The following OR51I2 variants were observed in gnomAD, a reference collection of about 807,000 sequenced individuals.
OR51I2 encodes olfactory receptor family 51 subfamily I member 2.
In OR51I2, 6 loss-of-function variants were observed where a neutral mutation model predicts 9.3. The observed-to-expected ratio is 0.64, with a 90% CI of 0.35 to 1.27. The LOEUF (loss-of-function observed/expected upper bound fraction) is 1.27. OR51I2 is among the 50% of genes most tolerant of loss of function. The probability of loss-of-function intolerance (pLI) is 0.03; values close to 1 mark genes in which losing one functional copy is unlikely to be tolerated. For missense variants in OR51I2, 489 were observed against 396.4 expected (o/e 1.23, Z -1.98); for synonymous variants, 179 against 143.1 (o/e 1.25, Z -1.79).
chr11:5,452,506 A>T (rs1449787006), intron 1 of OR51I2, among the ~76,000 whole-genome samples: 1 of 7,460 alleles, frequency 1.3e-4, no homozygotes, highest in African/African-American at 5.7e-4. Flanking sequence ...CTCTGTCTCA[A>T]AAAAAAAAAA....
Position 5,455,359 on chromosome 11 carries a change from A to AAG in OR51I2, c.*933_*934insGA, listed in dbSNP as rs201405851. ...CAGTCTAGGATTTCCAGTTGCAAAA[A>AAG]AAAAAAGCCTAGGATAGACAGACTA... On this transcript the variant is annotated 3_prime_UTR_variant, in exon 2 of 2. Transcript: ENST00000641930. 3.3e-5 allele frequency: 5 copies of AAG among 151,880 alleles called. No individual in the cohort carries two copies. Among genetic ancestry groups the AAG allele is most frequent in the African/African-American group, 7.2e-5 (3 of 41,444 alleles). 9.4% of individuals were successfully genotyped at this position (151,880 alleles called of 1,614,324 possible). A position where few individuals can be genotyped will look rare whatever the true frequency, so the allele number is the denominator to read the frequency against.
At position 5,454,630 on chromosome 11, in the gene OR51I2, A is replaced by G. The variant is rs1436227279; in HGVS notation, c.*203A>G. The G allele has an allele frequency of 2.3e-6, 1 of 440,870 alleles. No individual in the cohort carries two copies. Among genetic ancestry groups the G allele is most frequent in the Non-Finnish European group, 4.0e-6 (1 of 250,330 alleles). 27.3% of individuals were successfully genotyped at this position (440,870 alleles called of 1,614,324 possible). ...AAATACCAACAGTATTCTTAGAAAG[A>G]TAAATATTGGGGGCAATTGAGTAAT... On this transcript the variant is annotated 3_prime_UTR_variant, in exon 2 of 2. Coordinates refer to ENST00000641930, the MANE Select transcript of OR51I2 (RefSeq NM_001004754.3).
In OR51I2 at chr11:5,456,152, G is replaced by C. The variant is rs1428795292; in HGVS notation, c.*1725G>C. On this transcript the variant is annotated 3_prime_UTR_variant, in exon 2 of 2. Coordinates refer to ENST00000641930, the MANE Select transcript of OR51I2 (RefSeq NM_001004754.3). ...TAAACTCTCACTGATTCCTACCTCA[G>C]AAGCAGCGAGGGATACATTCTTTTG... 6.6e-6 allele frequency: 1 copy of C among 152,162 alleles called. No homozygotes were observed. The highest frequency in any genetic ancestry group is 1.5e-5 in the Non-Finnish European group (1 of 68,030). 9.4% of individuals were successfully genotyped at this position (152,162 alleles called of 1,614,324 possible). A position where few individuals can be genotyped will look rare whatever the true frequency, so the allele number is the denominator to read the frequency against.
chr11:5,449,737 G>A (rs1850816521), intron 1 of OR51I2, among the ~76,000 whole-genome samples: 1 of 152,208 alleles, frequency 6.6e-6, no homozygotes, highest in Non-Finnish European at 1.5e-5. Flanking sequence ...TAGAAGGGAA[G>A]TGGTCACAAC....
chr11:5,451,035 C>G (rs867666011), intron 1 of OR51I2, among the ~76,000 whole-genome samples: 4 of 152,232 alleles, frequency 2.6e-5, no homozygotes, highest in Non-Finnish European at 5.9e-5. Flanking sequence ...CTCACTGGCT[C>G]TCAGTGTCCA....
intron 1 of OR51I2, among the ~76,000 whole-genome samples, chr11:5,449,701 C>T (rs1463039436): frequency 6.6e-6 from 1 of 152,130 alleles, no homozygotes; most frequent in East Asian, 1.9e-4. Context: ...AAGCAGGACT[C>T]AGGATACAGG....
At position 5,453,539 on chromosome 11, in the gene OR51I2, C is replaced by T. The variant is rs766538002; in HGVS notation, c.51C>T (p.Ile17=). 6.3e-7 allele frequency: 1 copy of T among 1,598,752 alleles called. No homozygotes were observed. The highest frequency in any genetic ancestry group is 1.7e-5 in the Admixed American group (1 of 57,644). The part of the protein sequence containing the change: ...THPAFFLLTG[I]PGLESSHSWL... ...CTGCATTCTTCCTCCTGACTGGTAT[C>T]CCTGGTCTGGAGAGCTCTCACTCCT... Residue 17 remains isoleucine (I), a synonymous_variant, in exon 2 of 2, where the codon ATC becomes ATT. Transcript: ENST00000641930.
rs1850944032 is a variant in OR51I2, at chr11:5,455,602, AG to A, written c.*1176del. On this transcript the variant is annotated 3_prime_UTR_variant, in exon 2 of 2. Coordinates refer to ENST00000641930, the MANE Select transcript of OR51I2 (RefSeq NM_001004754.3). ...GAAAGAGAAAGAGAGAAAGAGAAAA[AG>A]AGAAAGAGAAAGAGAGAAAGAGAGA... 2.0e-5 allele frequency: 2 copies of A among 98,266 alleles called. No individual in the cohort carries two copies. Among genetic ancestry groups the A allele is most frequent in the Non-Finnish European group, 2.4e-5 (1 of 41,226 alleles). The allele number at this position is 98,266 out of a possible 1,614,324, so 6.1% of individuals were successfully genotyped here.
intron 1 of OR51I2, among the ~76,000 whole-genome samples, chr11:5,453,012 T>C (rs2133786517): frequency 7.3e-6 from 1 of 136,570 alleles, no homozygotes; most frequent in East Asian, 1.9e-4. Context: ...GGAAAGTCTC[T>C]CATTAATTTG....
rs11037480 is a variant in OR51I2, at chr11:5,451,242, T to C, written c.-231+1878T>C. Among the ~76,000 whole-genome samples, 71 of 152,356 alleles carry C rather than the reference T, an allele frequency of 4.7e-4. 2 individuals are homozygous for C. In the East Asian group the frequency reaches 0.014, roughly 29 times the overall value. ...TGGAACAGTCAGGCAGTCTTTCTTC[T>C]ACAAATACTAAAGCATAAGTCCCCA... On this transcript the variant is annotated intron_variant, in intron 1 of 1. Transcript: ENST00000641930.
Position 5,454,494 on chromosome 11 carries a change from C to A in OR51I2, c.*67C>A. 8.0e-7 allele frequency: 1 copy of A among 1,257,840 alleles called. No homozygotes were observed. The highest frequency in any genetic ancestry group is 1.1e-6 in the Non-Finnish European group (1 of 895,262). The allele number at this position is 1,257,840 out of a possible 1,614,324, so 77.9% of individuals were successfully genotyped here. A position where few individuals can be genotyped will look rare whatever the true frequency, so the allele number is the denominator to read the frequency against. On this transcript the variant is annotated 3_prime_UTR_variant, in exon 2 of 2. Coordinates refer to ENST00000641930, the MANE Select transcript of OR51I2 (RefSeq NM_001004754.3). ...CTCTCATCAGTAGCATCGTCATCAT[C>A]ATCATCAAAGTATAAGATAGATTGT...
Position 5,455,160 on chromosome 11 carries a change from A to G in OR51I2, c.*733A>G, listed in dbSNP as rs1174437092. 2 of 152,170 alleles carry G rather than the reference A, an allele frequency of 1.3e-5. No homozygotes were observed. Among genetic ancestry groups the G allele is most frequent in the South Asian group, 2.1e-4 (1 of 4,826 alleles). 9.4% of individuals were successfully genotyped at this position (152,170 alleles called of 1,614,324 possible). ...TCTTCTTTACTTCTTTTATCTGCCC[A>G]CCACTCAATCCTTACCAACAGAAAA... On this transcript the variant is annotated 3_prime_UTR_variant, in exon 2 of 2. Transcript: ENST00000641930.
At chr11:5,451,569 A>T (rs1850849650) in intron 1 of OR51I2, among the ~76,000 whole-genome samples, 1 of 152,210 alleles carries the variant, frequency 6.6e-6, no homozygotes, top group South Asian at 2.1e-4. Flanking sequence ...GCCTTGCTGG[A>T]AACCATAGTA....
At chr11:5,452,684 T>C (rs1850875611) in intron 1 of OR51I2, among the ~76,000 whole-genome samples, 1 of 152,156 alleles carries the variant, frequency 6.6e-6, no homozygotes, top group Admixed American at 6.5e-5. Context: ...TACATTAATG[T>C]GTCCTTGTGA....
intron 1 of OR51I2, among the ~76,000 whole-genome samples, chr11:5,452,594 G>A (rs1228809633): frequency 2.0e-5 from 3 of 148,238 alleles, no homozygotes; most frequent in African/African-American, 7.5e-5. Context: ...GACTTTACGA[G>A]ATATGGAGAT....
Position 5,455,250 on chromosome 11 carries a change from G to T in OR51I2, c.*823G>T, listed in dbSNP as rs1233633783. 2 of 151,764 alleles carry T rather than the reference G, an allele frequency of 1.3e-5. No homozygotes were observed. The highest frequency in any genetic ancestry group is 2.9e-5 in the Non-Finnish European group (2 of 67,996). The allele number at this position is 151,764 out of a possible 1,614,324, so 9.4% of individuals were successfully genotyped here. ...GGGGGAAAGGGGGAATTGTGGTAGG[G>T]GCACAATTTCTATTTCTCTTTCCTT... On this transcript the variant is annotated 3_prime_UTR_variant, in exon 2 of 2. Coordinates refer to ENST00000641930, the MANE Select transcript of OR51I2 (RefSeq NM_001004754.3).
intron 1 of OR51I2, among the ~76,000 whole-genome samples, chr11:5,451,775 GAGAA>G (rs1850854602): frequency 6.6e-6 from 1 of 152,198 alleles, no homozygotes; most frequent in African/African-American, 2.4e-5. Context: ...GGAGAGGAAA[GAGAA>G]AGGAAAAACA....
chr11:5,452,378 A>T (rs11037484), intron 1 of OR51I2, among the ~76,000 whole-genome samples: 70,569 of 150,848 alleles, frequency 0.47, 16,759 homozygotes, highest in Non-Finnish European at 0.5. Context: ...TGGTGGCGGG[A>T]GCCTGTAGTC....
Position 5,456,394 on chromosome 11 carries a change from T to TAGGGCC in OR51I2, c.*1969_*1974dup, listed in dbSNP as rs1463984411. The TAGGGCC allele has an allele frequency of 6.6e-6, 1 of 152,190 alleles. No homozygotes were observed. The highest frequency in any genetic ancestry group is 1.5e-5 in the Non-Finnish European group (1 of 68,014). 9.4% of individuals were successfully genotyped at this position (152,190 alleles called of 1,614,324 possible). ...TGAGACAGATGCCATAAGAAAAATG[T>TAGGGCC]AGGGCCACTCCTGCAGCTCTAATCC... is the stretch of plus-strand genomic sequence containing the variant. On this transcript the variant is annotated 3_prime_UTR_variant, in exon 2 of 2. Transcript: ENST00000641930.
Sources: gnomAD v4.1 joint callset for allele counts (sites outside exome capture counted in the v4.1 genomes callset) on GRCh38, gnomAD v4.1.1 for gene constraint, MANE v1.5 for transcripts, NCBI Gene and HGNC (gene_info 2026-07-23, HGNC 2026-07-21) for gene names.